The following NT5C2 variants were observed in gnomAD, a reference collection of about 807,000 sequenced individuals.
The protein encoded by NT5C2 is cytosolic purine 5'-nucleotidase.
NT5C2 carries 58 observed loss-of-function variants against 76.1 expected under a neutral mutation model. That is an observed-to-expected ratio of 0.76 (90% confidence interval 0.62 to 0.95). NT5C2 has a LOEUF of 0.95. NT5C2 is among the 40% of genes least tolerant of loss of function. The pLI is 0.00. For missense variants in NT5C2, 478 were observed against 690.3 expected (o/e 0.69, Z 3.45); for synonymous variants, 229 against 237.4 (o/e 0.96, Z 0.32).
rs1590855130 is a variant in NT5C2, at chr10:103,105,707, C to T, written c.388G>A (p.Gly130Arg). The change falls in exon 6 of 19, where the codon GGA becomes AGA. Residue 130 changes from glycine to arginine, a missense_variant and splice_region_variant. By Grantham distance (125) the Gly-to-Arg change is moderately radical. Transcript: ENST00000404739. Reference protein sequence around the residue: ...VCAHGFNFIRGPETREQYPNK... With the variant: ...VCAHGFNFIRRPETREQYPNK... Reference sequence around the variant, plus strand: ...AGGCTAAAGGTTCTCTGTACTCACCCCCTTATAAAGTTAAATCCATGTGCA... The same window carrying T: ...AGGCTAAAGGTTCTCTGTACTCACCTCCTTATAAAGTTAAATCCATGTGCA... 6.2e-7 allele frequency: 1 copy of T among 1,602,470 alleles called. No individual in the cohort carries two copies. The highest frequency in any genetic ancestry group is 8.5e-7 in the Non-Finnish European group (1 of 1,170,032).
At chr10:103,175,111 A>G in intron 2 of NT5C2, 129 bp from the exon 3 acceptor site, 1 of 538,262 alleles carries the variant, frequency 1.9e-6, no homozygotes, top group South Asian at 2.8e-5. Context: ...AAACACACTG[A>G]ATACAGTAAA....
At chr10:103,182,786 A>G (rs2091310360) in intron 1 of NT5C2, among the ~76,000 whole-genome samples, 1 of 152,198 alleles carries the variant, frequency 6.6e-6, no homozygotes. Context: ...TTTGGTCTCT[A>G]AATACAACAA....
intron 14 of NT5C2, chr10:103,093,745 T>TAAA: frequency 2.2e-6 from 1 of 452,710 alleles, no homozygotes; most frequent in Admixed American, 3.6e-5. Context: ...CAATAGGATT[T>TAAA]AAAAAAAAAA....
At chr10:103,100,698 T>G in intron 8 of NT5C2, 1 of 497,642 alleles carries the variant, frequency 2.0e-6, no homozygotes, top group Non-Finnish European at 3.9e-6. Context: ...TGCTGTGAAA[T>G]GAGTTGGGGG....
chr10:103,108,081 G>C lies in NT5C2; in HGVS notation c.176-1375C>G, dbSNP rs1213474461. ...GAGGCAGGAGAATCGCTTGAACCCA[G>C]GAGGTGGAGGCTGCAGTGAGCCGAG... On this transcript the variant is annotated intron_variant, in intron 4 of 18. Coordinates refer to ENST00000404739, the MANE Select transcript of NT5C2 (RefSeq NM_001351169.2). Among the ~76,000 whole-genome samples the C allele has an allele frequency of 2.0e-5, 3 of 152,106 alleles. No individual in the cohort carries two copies. The East Asian group carries it at 5.8e-4, about 29-fold the overall frequency.
At chr10:103,099,241 T>C (rs1454896241) in intron 9 of NT5C2, among the ~76,000 whole-genome samples, 2 of 152,152 alleles carry the variant, frequency 1.3e-5, no homozygotes, top group African/African-American at 4.8e-5. Flanking sequence ...GCCTGGCTAA[T>C]TTTCTGTATT....
intron 4 of NT5C2, chr10:103,111,715 CA>C: frequency 8.2e-7 from 1 of 1,226,320 alleles, no homozygotes; most frequent in South Asian, 4.1e-5. Context: ...TCCAGCCTAG[CA>C]GAGTGCTGCT....
At chr10:103,147,657 C>G (rs879165682) in intron 3 of NT5C2, among the ~76,000 whole-genome samples, 1 of 152,152 alleles carries the variant, frequency 6.6e-6, no homozygotes, top group Non-Finnish European at 1.5e-5. Flanking sequence ...TATGGTAGTT[C>G]TCTTATTCTT....
chr10:103,139,266 C>A, intron 4 of NT5C2, 140 bp downstream of exon 4: 1 of 505,386 alleles, frequency 2.0e-6, no homozygotes, highest in South Asian at 3.7e-5. Context: ...ACAAATCTTA[C>A]TGGAAGCAAC....
intron 4 of NT5C2, among the ~76,000 whole-genome samples, chr10:103,109,339 AC>A (rs2072305439): frequency 6.6e-6 from 1 of 152,108 alleles, no homozygotes; most frequent in African/African-American, 2.4e-5. Context: ...GTATCATAAA[AC>A]CATAAGGCAT....
intron 3 of NT5C2, among the ~76,000 whole-genome samples, chr10:103,142,913 C>T (rs1471253538): frequency 8.0e-5 from 12 of 149,558 alleles, no homozygotes; most frequent in African/African-American, 2.7e-4. Context: ...AGCCTAGACC[C>T]GGGAGGCAGA....
chr10:103,090,846 G>T, intron 17 of NT5C2, 59 bp from the exon 18 acceptor site: 1 of 1,594,016 alleles, frequency 6.3e-7, no homozygotes, highest in Middle Eastern at 1.7e-4. Context: ...TTGAGCAGTA[G>T]TTGAATGCTA....
rs1411034809 is a variant in NT5C2, at chr10:103,088,757, C to G, written c.*915G>C. 1 of 180,342 alleles carries G rather than the reference C, an allele frequency of 5.5e-6. No individual in the cohort carries two copies. Among genetic ancestry groups the G allele is most frequent in the Non-Finnish European group, 1.2e-5 (1 of 84,342 alleles). The allele number at this position is 180,342 out of a possible 1,614,324, so 11.2% of individuals were successfully genotyped here. A position where few individuals can be genotyped will look rare whatever the true frequency, so the allele number is the denominator to read the frequency against. ...TCTACTTTAGTAAGGTTCTGGCTTA[C>G]AGAGCCCTCTTCCCATCCTCTGATG... On this transcript the variant is annotated 3_prime_UTR_variant, in exon 19 of 19. Transcript: ENST00000404739.
intron 4 of NT5C2, among the ~76,000 whole-genome samples, chr10:103,128,920 A>G (rs1215628037): frequency 1.2e-5 from 1 of 83,870 alleles, no homozygotes; most frequent in Non-Finnish European, 2.5e-5. Context: ...CAGCCACCCC[A>G]TCTGGGAAGT....
chr10:103,091,152 A>G (rs2066735083), intron 16 of NT5C2, among the ~76,000 whole-genome samples, 156 bp from the exon 17 acceptor site: 1 of 152,112 alleles, frequency 6.6e-6, no homozygotes. Flanking sequence ...CTCCTGCCTC[A>G]GCCACCCTAA....
intron 3 of NT5C2, chr10:103,153,862 A>T (rs1283838747): frequency 2.4e-6 from 2 of 847,632 alleles, no homozygotes; most frequent in African/African-American, 3.7e-5. Context: ...TGTGCAGATC[A>T]TATTACAGGA....
At chr10:103,186,192 C>T (rs796493083) in intron 1 of NT5C2, among the ~76,000 whole-genome samples, 72 of 152,308 alleles carry the variant, frequency 4.7e-4, no homozygotes, top group African/African-American at 1.6e-3. Context: ...ACTAGCTCTA[C>T]GACTAAGCAA....
chr10:103,101,514 ATT>A (rs201575845), intron 6 of NT5C2, among the ~76,000 whole-genome samples, 188 bp from the exon 7 acceptor site: 56 of 143,688 alleles, frequency 3.9e-4, no homozygotes, highest in Non-Finnish European at 6.5e-4. Flanking sequence ...TTTAATTTTA[ATT>A]TTTTTTTTTT....
intron 3 of NT5C2, among the ~76,000 whole-genome samples, chr10:103,154,702 G>A (rs2083019728): frequency 6.6e-6 from 1 of 152,144 alleles, no homozygotes; most frequent in South Asian, 2.1e-4. Context: ...AAAGCAACTG[G>A]ATTATCAGGC....
Sources: gnomAD v4.1 joint callset for allele counts (sites outside exome capture counted in the v4.1 genomes callset) on GRCh38, gnomAD v4.1.1 for gene constraint, MANE v1.5 for transcripts, NCBI Gene and HGNC (gene_info 2026-07-23, HGNC 2026-07-21) for gene names.